Variants in NIN observed in about 807,000 individuals in gnomAD.
NIN encodes glycogen synthase kinase 3 beta-interacting protein.
In NIN, 137 loss-of-function variants were observed where a neutral mutation model predicts 257.6. The observed-to-expected ratio is 0.53, with a 90% CI of 0.46 to 0.61. The LOEUF (loss-of-function observed/expected upper bound fraction) is 0.61. Ranked by LOEUF, NIN falls within the 20% of genes least tolerant of loss-of-function variation. NIN has a pLI of 0.00. For synonymous variants in NIN, 918 were observed against 919.8 expected (o/e 1.00, Z 0.04); for missense variants, 2,439 against 2,501.2 (o/e 0.98, Z 0.53).
chr14:50,775,656 A>AC (rs372603587), intron 7 of NIN, among the ~76,000 whole-genome samples: 34 of 152,294 alleles, frequency 2.2e-4, no homozygotes, highest in African/African-American at 7.9e-4. Context: ...TAAATGTGCT[A>AC]CTTCTTTTCC....
intron 5 of NIN, among the ~76,000 whole-genome samples, chr14:50,782,488 A>G (rs1412873229): frequency 6.6e-6 from 1 of 152,246 alleles, no homozygotes; most frequent in Non-Finnish European, 1.5e-5. Context: ...GAAATGTTAA[A>G]TGAAAGACCA....
rs193024815 is a variant in NIN, at chr14:50,757,996, T to C, written c.3034A>G (p.Ile1012Val). Residue 1012 changes from isoleucine (I) to valine (V), a missense_variant, in exon 18 of 31, where the codon ATC (isoleucine) becomes GTC (valine). This residue lies in a region of NIN where 2,043 missense variants were observed against 2,050.2 expected (regional missense o/e 1.00). Coordinates refer to ENST00000530997, the MANE Select transcript of NIN (RefSeq NM_020921.4). Reference protein sequence around the residue: ...DRERAEMSTEISRLQSKIKEM... With the variant: ...DRERAEMSTEVSRLQSKIKEM... ...TTTATTTTACTCTGAAGTCTGGAGATTTCTGTGCTCATCTCGGCTCTTTCT... is the reference window on the plus strand; with the variant it reads ...TTTATTTTACTCTGAAGTCTGGAGACTTCTGTGCTCATCTCGGCTCTTTCT... The C allele has an allele frequency of 1.1e-4, 175 of 1,614,214 alleles. No homozygotes were observed. The highest frequency in any genetic ancestry group is 1.7e-6 in the Non-Finnish European group (2 of 1,180,040).
At chr14:50,770,726 A>G in intron 11 of NIN, 126 bp downstream of exon 11, 1 of 1,360,222 alleles carries the variant, frequency 7.4e-7, no homozygotes, top group Non-Finnish European at 9.9e-7. Flanking sequence ...GAGTCACTCC[A>G]GCAAGGTGTG....
chr14:50,797,431 C>T (rs1043436997), intron 4 of NIN, among the ~76,000 whole-genome samples: 6 of 152,154 alleles, frequency 3.9e-5, no homozygotes. Context: ...AACCTCAGCA[C>T]AGGAGGCCCT....
Position 50,722,230 on chromosome 14 carries a change from A to G in NIN, c.*1233T>C, listed in dbSNP as rs1302625651. On this transcript the variant is annotated 3_prime_UTR_variant, in exon 31 of 31. Coordinates refer to ENST00000530997, the MANE Select transcript of NIN (RefSeq NM_020921.4). ...AAGTTTTGATCTTGAGCATGAGTGG[A>G]AAGTCCTATTTGGCACTCCTTGACC... 1 of 225,314 alleles carries G rather than the reference A, an allele frequency of 4.4e-6. No individual in the cohort carries two copies. Among genetic ancestry groups the G allele is most frequent in the Non-Finnish European group, 8.8e-6 (1 of 113,140 alleles). The allele number at this position is 225,314 out of a possible 1,614,324, so 14.0% of individuals were successfully genotyped here.
intron 10 of NIN, 73 bp downstream of exon 10, chr14:50,771,259 T>C (rs1037028683): frequency 1.3e-6 from 2 of 1,539,844 alleles, no homozygotes; most frequent in Non-Finnish European, 1.8e-6. Context: ...AGGATGTCCA[T>C]CCAAGGCATC....
rs767365930 is a variant in NIN at position 50,754,783 on chromosome 14, G to A, written c.4623C>T (p.Asn1541=). 1 of 1,583,126 alleles carries A rather than the reference G, an allele frequency of 6.3e-7. No individual in the cohort carries two copies. Among genetic ancestry groups the A allele is most frequent in the South Asian group, 1.2e-5 (1 of 86,792 alleles). ...ATCCATTTAATGTCCCTAATTTCAG[G>A]TTAGAAATGCTATCTTCTTCATTTA... ...TTLNEEDSIS[N]LKLGTLNGSQ... Residue 1541 remains asparagine (N), a synonymous_variant, in exon 19 of 31, where the codon AAC becomes AAT. Coordinates refer to ENST00000530997, the MANE Select transcript of NIN (RefSeq NM_020921.4).
At chr14:50,728,516 G>C (rs899408872) in intron 29 of NIN, among the ~76,000 whole-genome samples, 1 of 152,184 alleles carries the variant, frequency 6.6e-6, no homozygotes, top group African/African-American at 2.4e-5. Context: ...CCTATGTAGA[G>C]TTCCAGAGCT....
intron 15 of NIN, among the ~76,000 whole-genome samples, chr14:50,763,614 A>G (rs1309209183): frequency 2.6e-5 from 4 of 152,198 alleles, no homozygotes; most frequent in Non-Finnish European, 5.9e-5. Context: ...TTGTTGACGC[A>G]TATCAAAATC....
intron 30 of NIN, chr14:50,723,958 G>A (rs879344312): frequency 4.8e-5 from 16 of 332,594 alleles, no homozygotes; most frequent in Non-Finnish European, 8.3e-5. Context: ...ACCTAAATAG[G>A]CATTATTTCT....
At chr14:50,729,383 T>C (rs2040578225) in intron 29 of NIN, 140 bp downstream of exon 29, 1 of 753,204 alleles carries the variant, frequency 1.3e-6, no homozygotes, top group Non-Finnish European at 2.1e-6. Flanking sequence ...GATCCTCCCG[T>C]CTCAGCCTCC....
At position 50,738,286 on chromosome 14, in the gene NIN, C is replaced by G. The variant is rs760112084; in HGVS notation, c.5629G>C (p.Val1877Leu). 3 of 1,611,812 alleles carry G rather than the reference C, an allele frequency of 1.9e-6. No individual in the cohort carries two copies. Among genetic ancestry groups the G allele is most frequent in the Non-Finnish European group, 2.5e-6 (3 of 1,179,186 alleles). Reference protein sequence around the residue: ...KAELTHSREKVRQLESNLLPK... With the variant: ...KAELTHSREKLRQLESNLLPK... The stretch of plus-strand genomic sequence containing the variant: ...AGAAGATTGGATTCCAACTGACGGA[C>G]CTAACAGGAACAAATGTAAGAGGAA... Residue 1877 changes from valine (V) to leucine (L), a missense_variant and splice_region_variant, in exon 27 of 31, where the codon GTC (valine) becomes CTC (leucine). Physicochemically the swap from Val to Leu is conservative, Grantham distance 32. Coordinates refer to ENST00000530997, the MANE Select transcript of NIN (RefSeq NM_020921.4).
In NIN at chr14:50,756,905, G is replaced by A; in HGVS notation, c.4125C>T (p.Pro1375=). ...QLNQTLEECV[P]RVRSVHHVIE... ...TGACATGATGTACACTCCTAACCCT[G>A]GGCACACACTCTTCCAGTGTCTGAT... Residue 1375 remains proline (P), a synonymous_variant, in exon 18 of 31, where the codon CCC becomes CCT. Transcript: ENST00000530997. 1.9e-6 allele frequency: 3 copies of A among 1,559,196 alleles called. No individual in the cohort carries two copies. The highest frequency in any genetic ancestry group is 2.6e-6 in the Non-Finnish European group (3 of 1,150,296).
At chr14:50,724,404 T>G (rs1159898052) in intron 30 of NIN, 1 of 220,604 alleles carries the variant, frequency 4.5e-6, no homozygotes, top group Admixed American at 5.8e-5. Flanking sequence ...AAGAGTAGCT[T>G]AACAACCTAT....
At chr14:50,815,808 G>C (rs1477318762) in intron 3 of NIN, among the ~76,000 whole-genome samples, 29 of 152,156 alleles carry the variant, frequency 1.9e-4, no homozygotes, top group Admixed American at 1.9e-3. Context: ...AGGAGTTTGA[G>C]ACCAGCCTGG....
rs2181086 is a variant in NIN at position 50,763,533 on chromosome 14, G to C, written c.1774+293C>G. The stretch of plus-strand genomic sequence containing the variant: ...AACACTCCCAAGGCCTGGATTCCCA[G>C]ATTTGCAGCCAGTTTTTTGTTTGTT... On this transcript the variant is annotated intron_variant, in intron 15 of 30. Transcript: ENST00000530997. Among the ~76,000 whole-genome samples the C allele has an allele frequency of 0.5, 76,393 of 152,064 alleles. 21,123 individuals carry two copies. Among genetic ancestry groups the C allele is most frequent in the East Asian group, 0.84 (4,370 of 5,184 alleles).
intron 20 of NIN, among the ~76,000 whole-genome samples, chr14:50,753,004 G>C (rs148402630): frequency 1.3e-4 from 20 of 152,202 alleles, no homozygotes; most frequent in African/African-American, 4.6e-4. Context: ...CATTTTCTAC[G>C]CATATACAGA....
chr14:50,817,599 T>C (rs2044968077), intron 3 of NIN, among the ~76,000 whole-genome samples: 2 of 152,196 alleles, frequency 1.3e-5, no homozygotes, highest in South Asian at 4.1e-4. Context: ...CCTGGAGGCT[T>C]ATTCTCACTT....
chr14:50,727,421 T>C (rs1429047844), intron 29 of NIN: 2 of 1,089,188 alleles, frequency 1.8e-6, no homozygotes, highest in Non-Finnish European at 2.3e-6. Flanking sequence ...TCAAGAATCT[T>C]AAATCCACAC....
Sources: gnomAD v4.1 joint callset for allele counts (sites outside exome capture counted in the v4.1 genomes callset) on GRCh38, gnomAD v4.1.1 for gene constraint, gnomAD v4.1.1 regional missense constraint, MANE v1.5 for transcripts, NCBI Gene and HGNC (gene_info 2026-07-23, HGNC 2026-07-21) for gene names.